OCLN: variants seen among roughly 807,000 people sequenced by gnomAD.
The protein encoded by OCLN is phosphatase 1, regulatory subunit 115.
In OCLN, 21 loss-of-function variants were observed where a neutral mutation model predicts 47.9. The observed-to-expected ratio is 0.44, with a 90% confidence interval of 0.31 to 0.63. The LOEUF (loss-of-function observed/expected upper bound fraction) is 0.63. Ranked by LOEUF, OCLN falls within the 30% of genes least tolerant of loss-of-function variation. The pLI is 0.08. For synonymous variants in OCLN, 117 were observed against 198.4 expected (o/e 0.59, Z 3.45); for missense variants, 360 against 571.0 (o/e 0.63, Z 3.77).
At position 69,553,735 on chromosome 5, in the gene OCLN, C is replaced by T. The variant is rs542826512; in HGVS notation, c.*64C>T. 1.9e-6 allele frequency: 3 copies of T among 1,596,018 alleles called. No individual in the cohort carries two copies. The South Asian group carries it at 3.3e-5, about 18-fold the overall frequency. Reference sequence around the variant, plus strand: ...ACATCTCTGCAATCTTCTCAGAAGGCAAATGACTTTGGACCATAACCCCGG... The same window carrying T: ...ACATCTCTGCAATCTTCTCAGAAGGTAAATGACTTTGGACCATAACCCCGG... On this transcript the variant is annotated 3_prime_UTR_variant, in exon 9 of 9. Coordinates refer to ENST00000396442, the MANE Select transcript of OCLN (RefSeq NM_001205254.2).
At chr5:69,494,651 TC>T (rs1442495746) in intron 1 of OCLN, among the ~76,000 whole-genome samples, 1 of 152,198 alleles carries the variant, frequency 6.6e-6, no homozygotes, top group African/African-American at 2.4e-5. Flanking sequence ...GATAGGGAGA[TC>T]GGTAAGACAT....
At chr5:69,508,006 T>C (rs756938764) in intron 2 of OCLN, among the ~76,000 whole-genome samples, 1 of 152,220 alleles carries the variant, frequency 6.6e-6, no homozygotes. Context: ...TCAGGAAATA[T>C]TTTACATTCT....
chr5:69,507,526 C>A (rs1331400124), intron 2 of OCLN, among the ~76,000 whole-genome samples: 2 of 152,000 alleles, frequency 1.3e-5, no homozygotes, highest in Non-Finnish European at 2.9e-5. Flanking sequence ...ATTCATAGTT[C>A]ATCAGTTTTG....
At chr5:69,533,881 C>T (rs1338929724) in intron 4 of OCLN, among the ~76,000 whole-genome samples, 4 of 152,114 alleles carry the variant, frequency 2.6e-5, no homozygotes, top group Non-Finnish European at 5.9e-5. Flanking sequence ...AGGATGGTCT[C>T]GATCTCCTGA....
In OCLN at chr5:69,551,297, A is replaced by AACAGATAGTT. The variant is rs1312565697; in HGVS notation, c.1426-244_1426-235dup. Among the ~76,000 whole-genome samples the AACAGATAGTT allele has an allele frequency of 3.6e-4, 54 of 149,230 alleles. 1 individual carries two copies. Among genetic ancestry groups the AACAGATAGTT allele is most frequent in the African/African-American group, 1.3e-3 (52 of 40,742 alleles). ...CATGAGGAGAGATGAGAAGTAGCAG[A>AACAGATAGTT]ACAGATAGTTACCTGCCTATGTGAG... On this transcript the variant is annotated intron_variant, in intron 7 of 8. Transcript: ENST00000396442.
At chr5:69,530,340 T>C (rs1423881470) in intron 4 of OCLN, among the ~76,000 whole-genome samples, 2 of 152,200 alleles carry the variant, frequency 1.3e-5, no homozygotes, top group Non-Finnish European at 1.5e-5. Context: ...GGTTGGGGAC[T>C]CCTTGTAGAA....
intron 3 of OCLN, among the ~76,000 whole-genome samples, chr5:69,511,519 C>T (rs1408042359): frequency 2.0e-5 from 3 of 152,068 alleles, no homozygotes; most frequent in African/African-American, 7.2e-5. Flanking sequence ...TCAAGTGACC[C>T]TCCTACCTCA....
intron 3 of OCLN, among the ~76,000 whole-genome samples, chr5:69,513,679 G>A (rs1317668384): frequency 6.6e-6 from 1 of 152,210 alleles, no homozygotes; most frequent in Non-Finnish European, 1.5e-5. Flanking sequence ...TGAGGGTGAT[G>A]ATTGATAGTT....
intron 4 of OCLN, among the ~76,000 whole-genome samples, chr5:69,520,909 G>A (rs553359806): frequency 1.3e-5 from 2 of 152,104 alleles, no homozygotes; most frequent in South Asian, 2.1e-4. Context: ...GTGCAATGGC[G>A]CAATCTCAGC....
chr5:69,504,967 A>C (rs1467466234), intron 2 of OCLN, among the ~76,000 whole-genome samples: 1 of 151,360 alleles, frequency 6.6e-6, no homozygotes, highest in African/African-American at 2.4e-5. Flanking sequence ...AAAAGAAAAA[A>C]GGCCAGGCCT....
chr5:69,518,390 T>C (rs1249124334), intron 4 of OCLN, among the ~76,000 whole-genome samples: 7 of 152,226 alleles, frequency 4.6e-5, no homozygotes, highest in Non-Finnish European at 1.0e-4. Flanking sequence ...CTCATTTCTT[T>C]TCCTCTGCCC....
At chr5:69,496,240 A>G (rs551362601) in intron 1 of OCLN, among the ~76,000 whole-genome samples, 2 of 152,008 alleles carry the variant, frequency 1.3e-5, no homozygotes, top group Non-Finnish European at 2.9e-5. Flanking sequence ...TTGGGACTAC[A>G]GGCGCCTGCC....
intron 1 of OCLN, among the ~76,000 whole-genome samples, chr5:69,497,306 GATTCTTCTGACGTTAAGTTCTC>G (rs1768320399): frequency 1.3e-5 from 2 of 151,338 alleles, no homozygotes; most frequent in African/African-American, 4.9e-5. Flanking sequence ...CTGCTAAAGC[GATTCTTCTGACGTTAAGTTCTC>G]CAGGCCAAAC....
chr5:69,521,153 A>C (rs1769127973), intron 4 of OCLN, among the ~76,000 whole-genome samples: 1 of 152,198 alleles, frequency 6.6e-6, no homozygotes, highest in South Asian at 2.1e-4. Flanking sequence ...TTTTAAACCC[A>C]AAAATTGGTG....
intron 4 of OCLN, among the ~76,000 whole-genome samples, chr5:69,527,384 T>C (rs963756612): frequency 1.3e-5 from 2 of 152,244 alleles, no homozygotes; most frequent in African/African-American, 2.4e-5. Context: ...AGAAAGTTAC[T>C]GAAATCAGTT....
At chr5:69,514,630 T>C (rs1402559404) in intron 4 of OCLN, among the ~76,000 whole-genome samples, 1 of 151,812 alleles carries the variant, frequency 6.6e-6, no homozygotes, top group African/African-American at 2.4e-5. Context: ...GATAAACAAG[T>C]GAACAAAGGT....
chr5:69,517,763 T>C (rs2112009794), intron 4 of OCLN, among the ~76,000 whole-genome samples: 1 of 152,318 alleles, frequency 6.6e-6, no homozygotes, highest in South Asian at 2.1e-4. Flanking sequence ...ATAGTTCTTA[T>C]GTCCCTGCCC....
At chr5:69,514,712 G>A (rs1490585763) in intron 4 of OCLN, among the ~76,000 whole-genome samples, 1 of 152,058 alleles carries the variant, frequency 6.6e-6, no homozygotes, top group Non-Finnish European at 1.5e-5. Flanking sequence ...TGAGATTAGG[G>A]AGTGGTGATG....
chr5:69,533,078 T>C lies in OCLN; in HGVS notation c.892-1616T>C, dbSNP rs552390887. ...ATATACATATATATATACACACACA[T>C]ATATATATATACACACACACACACA... is the stretch of plus-strand genomic sequence containing the variant. On this transcript the variant is annotated intron_variant, in intron 4 of 8. Transcript: ENST00000396442. Among the ~76,000 whole-genome samples, 837 of 138,666 alleles carry C rather than the reference T, an allele frequency of 6.0e-3. 6 individuals carry two copies. Among genetic ancestry groups the C allele is most frequent in the African/African-American group, 0.013 (448 of 35,792 alleles). 91.0% of individuals were successfully genotyped at this position (138,666 alleles called of 152,430 possible).
Sources: gnomAD v4.1 joint callset for allele counts (sites outside exome capture counted in the v4.1 genomes callset) on GRCh38, gnomAD v4.1.1 for gene constraint, MANE v1.5 for transcripts, NCBI Gene and HGNC (gene_info 2026-07-23, HGNC 2026-07-21) for gene names.